Variants in TBC1D22A observed in about 807,000 individuals in gnomAD.
TBC1D22A encodes the protein putative GTPase activator.
A neutral mutation model predicts 60.2 loss-of-function variants in TBC1D22A; 38 were observed. That is an observed-to-expected ratio of 0.63 (90% confidence interval 0.49 to 0.83). The LOEUF (loss-of-function observed/expected upper bound fraction) is 0.83, where lower values mean the gene tolerates loss of function less well. Among genes scored for constraint, TBC1D22A ranks in the 40% least tolerant of loss-of-function variants. TBC1D22A has a pLI of 0.00. For missense variants in TBC1D22A, 628 were observed against 701.0 expected, an observed-to-expected ratio of 0.90 and a Z score of 1.18; for synonymous variants, 302 against 281.7, an observed-to-expected ratio of 1.07 and a Z score of -0.72.
At chr22:47,106,103 A>G (rs1486651345) in intron 11 of TBC1D22A, among the ~76,000 whole-genome samples, 1 of 152,218 alleles carries the variant, frequency 6.6e-6, no homozygotes, top group Non-Finnish European at 1.5e-5. Context: ...AATGAACTAG[A>G]AGAGATATTT....
intron 10 of TBC1D22A, among the ~76,000 whole-genome samples, chr22:47,020,649 G>A (rs1284720640): frequency 6.6e-6 from 1 of 151,908 alleles, no homozygotes; most frequent in Admixed American, 6.5e-5. Context: ...TGCTGCAAAG[G>A]AGAGTGCAGT....
At chr22:46,976,929 C>T (rs1381730266) in intron 9 of TBC1D22A, among the ~76,000 whole-genome samples, 1 of 152,224 alleles carries the variant, frequency 6.6e-6, no homozygotes, top group Non-Finnish European at 1.5e-5. Flanking sequence ...TCAAGGGCCT[C>T]CTAGCCCCAC....
intron 4 of TBC1D22A, among the ~76,000 whole-genome samples, chr22:46,800,765 C>G (rs1430817871): frequency 1.3e-5 from 2 of 152,148 alleles, no homozygotes; most frequent in African/African-American, 2.4e-5. Flanking sequence ...TTGAACTGGC[C>G]TTTTTATCTT....
In TBC1D22A at chr22:46,894,862, C is replaced by T. The variant is rs370300474; in HGVS notation, c.900+16C>T. 8.2e-5 allele frequency: 132 copies of T among 1,613,990 alleles called. No homozygotes were observed. The highest frequency in any genetic ancestry group is 1.3e-4 in the African/African-American group (10 of 74,914). ...GGTGACGGAGGTAAGAAGCTCTTGC[C>T]GTGGGGAGTTCCCCTCGTTGGGAGT... On this transcript the variant is annotated intron_variant, in intron 7 of 12. Transcript: ENST00000337137.
At chr22:46,869,015 G>C (rs1473164663) in intron 4 of TBC1D22A, among the ~76,000 whole-genome samples, 1 of 152,208 alleles carries the variant, frequency 6.6e-6, no homozygotes, top group African/African-American at 2.4e-5. Flanking sequence ...GCCGCTCCGT[G>C]TTGGCGTCCC....
chr22:46,775,895 C>T (rs933423847), intron 1 of TBC1D22A, among the ~76,000 whole-genome samples: 1 of 152,244 alleles, frequency 6.6e-6, no homozygotes, highest in African/African-American at 2.4e-5. Context: ...CATTCACACA[C>T]GTGCACAGTG....
At chr22:46,980,238 A>G (rs1252453901) in intron 9 of TBC1D22A, among the ~76,000 whole-genome samples, 1 of 152,220 alleles carries the variant, frequency 6.6e-6, no homozygotes, top group African/African-American at 2.4e-5. Context: ...GTCGGAGTAC[A>G]GTGGTGTGAT....
intron 11 of TBC1D22A, among the ~76,000 whole-genome samples, chr22:47,058,664 G>C (rs999411998): frequency 2.6e-5 from 4 of 152,048 alleles, no homozygotes; most frequent in African/African-American, 9.7e-5. Flanking sequence ...GGCTCAGAGA[G>C]ATGTCCAGGT....
intron 7 of TBC1D22A, among the ~76,000 whole-genome samples, chr22:46,903,734 C>T (rs957123469): frequency 1.3e-5 from 2 of 152,196 alleles, no homozygotes; most frequent in African/African-American, 4.8e-5. Context: ...TGTGAGACAG[C>T]CCCAGTGGAC....
chr22:47,029,607 C>T (rs1446204100), intron 10 of TBC1D22A, among the ~76,000 whole-genome samples: 1 of 152,232 alleles, frequency 6.6e-6, no homozygotes, highest in Non-Finnish European at 1.5e-5. Flanking sequence ...AGAAGACCTG[C>T]CGGCAGCCTC....
chr22:47,148,222 T>C (rs1601673860), intron 12 of TBC1D22A, among the ~76,000 whole-genome samples: 1 of 151,262 alleles, frequency 6.6e-6, no homozygotes, highest in African/African-American at 2.4e-5. Context: ...CCGGCAGGTG[T>C]GCTCCTGCCA....
rs74281923 is a variant in TBC1D22A at position 46,871,762 on chromosome 22, G to A, written c.638-6891G>A. The stretch of plus-strand genomic sequence containing the variant: ...TAAAGGTTTCCAATCCATATTCAAC[G>A]CTCTCATTTTAAGAAACTAGAAGAA... On this transcript the variant is annotated intron_variant, in intron 4 of 12. Coordinates refer to ENST00000337137, the MANE Select transcript of TBC1D22A (RefSeq NM_014346.5). Among the ~76,000 whole-genome samples the A allele has an allele frequency of 5.1e-4, 78 of 152,180 alleles. No homozygotes were observed. The East Asian group carries it at 9.1e-3, about 18-fold the overall frequency.
chr22:46,952,519 A>G (rs1285018000), intron 8 of TBC1D22A, among the ~76,000 whole-genome samples: 2 of 152,162 alleles, frequency 1.3e-5, no homozygotes, highest in African/African-American at 4.8e-5. Flanking sequence ...CGTTTTTATC[A>G]GTTTTGGGTG....
intron 12 of TBC1D22A, among the ~76,000 whole-genome samples, chr22:47,145,114 G>C (rs912036706): frequency 5.3e-5 from 8 of 152,240 alleles, no homozygotes; most frequent in African/African-American, 1.9e-4. Context: ...CAAGGGCAGG[G>C]CTGTTCACAC....
At chr22:46,835,482 G>C (rs1423587998) in intron 4 of TBC1D22A, among the ~76,000 whole-genome samples, 1 of 152,112 alleles carries the variant, frequency 6.6e-6, no homozygotes, top group African/African-American at 2.4e-5. Context: ...TTTAACAACA[G>C]ACTCTAACAA....
At chr22:47,159,727 A>G (rs1369327695) in intron 12 of TBC1D22A, among the ~76,000 whole-genome samples, 1 of 151,238 alleles carries the variant, frequency 6.6e-6, no homozygotes, top group African/African-American at 2.4e-5. Context: ...CTACACAAAC[A>G]CTGCACACCA....
chr22:46,924,038 G>A (rs2070906394), intron 8 of TBC1D22A, among the ~76,000 whole-genome samples: 1 of 152,198 alleles, frequency 6.6e-6, no homozygotes, highest in South Asian at 2.1e-4. Context: ...TTGAATTAAG[G>A]AGCATTGTTC....
At chr22:46,956,472 C>T (rs2073196424) in intron 8 of TBC1D22A, among the ~76,000 whole-genome samples, 1 of 152,228 alleles carries the variant, frequency 6.6e-6, no homozygotes, top group Non-Finnish European at 1.5e-5. Flanking sequence ...CTCCAAATTA[C>T]TTACAAGTAT....
intron 11 of TBC1D22A, among the ~76,000 whole-genome samples, chr22:47,038,498 G>T (rs1274105193): frequency 1.3e-5 from 2 of 152,226 alleles, no homozygotes; most frequent in Non-Finnish European, 2.9e-5. Flanking sequence ...CTGACCAGCT[G>T]CTCCCACAGG....
Sources: gnomAD v4.1 joint callset for allele counts (sites outside exome capture counted in the v4.1 genomes callset) on GRCh38, gnomAD v4.1.1 for gene constraint, MANE v1.5 for transcripts, NCBI Gene and HGNC (gene_info 2026-07-23, HGNC 2026-07-21) for gene names.